The following NHSL1 variants were observed in gnomAD, a reference collection of about 807,000 sequenced individuals.
The protein encoded by NHSL1 is NHS-like protein 1.
NHSL1 carries 48 observed loss-of-function variants against 95.0 expected under a neutral mutation model. The observed-to-expected ratio is 0.51, with a 90% CI of 0.40 to 0.64. The LOEUF (loss-of-function observed/expected upper bound fraction) is 0.64, where lower values mean the gene tolerates loss of function less well. Among genes scored for constraint, NHSL1 ranks in the 30% least tolerant of loss-of-function variants. The pLI is 0.00. For synonymous variants in NHSL1, 783 were observed against 833.9 expected (o/e 0.94, Z 1.05); for missense variants, 1,971 against 2,077.7 (o/e 0.95, Z 1.00).
chr6:138,547,166 C>G (rs1368923795), upstream of NHSL1, among the ~76,000 whole-genome samples: 1 of 152,176 alleles, frequency 6.6e-6, no homozygotes, highest in African/African-American at 2.4e-5. Context: ...TGGTTTTCAA[C>G]ATACGGTGCA....
Position 138,433,382 on chromosome 6 carries a change from G to A in NHSL1, c.963C>T (p.Gly321=), listed in dbSNP as rs1271672951. 1.2e-5 allele frequency: 18 copies of A among 1,552,206 alleles called. No individual in the cohort carries two copies. Among genetic ancestry groups the A allele is most frequent in the African/African-American group, 2.7e-5 (2 of 73,034 alleles). ...VFPSRLDSDA[G]FHSLPRSGAR... Reference sequence around the variant, plus strand: ...CTCCAGAACGCGGAAGACTATGGAAGCCAGCATCACTGTCAAGGCGGGAAG... The same window carrying A: ...CTCCAGAACGCGGAAGACTATGGAAACCAGCATCACTGTCAAGGCGGGAAG... The change falls in exon 6 of 8, where the codon GGC becomes GGT. Residue 321 remains glycine (G), a synonymous_variant. Coordinates refer to ENST00000343505, the MANE Select transcript of NHSL1 (RefSeq NM_001144060.2).
intron 1 of NHSL1, among the ~76,000 whole-genome samples, chr6:138,649,975 T>C (rs904279593): frequency 6.6e-6 from 1 of 152,214 alleles, no homozygotes; most frequent in Admixed American, 6.5e-5. Flanking sequence ...ATGGGGATTC[T>C]GCCAACTCCC....
chr6:138,488,643 A>C (rs1048512648), intron 2 of NHSL1, among the ~76,000 whole-genome samples: 1 of 152,200 alleles, frequency 6.6e-6, no homozygotes, highest in Admixed American at 6.5e-5. Flanking sequence ...AGGAGACTTC[A>C]GGAGTAACCA....
chr6:138,500,121 C>A (rs1055927076), upstream of NHSL1, among the ~76,000 whole-genome samples: 9 of 152,040 alleles, frequency 5.9e-5, no homozygotes, highest in African/African-American at 2.2e-4. Flanking sequence ...AACTTCCCCA[C>A]TCCAAATGAT....
intron 1 of NHSL1, among the ~76,000 whole-genome samples, chr6:138,603,749 T>C (rs1244117274): frequency 6.6e-6 from 1 of 152,244 alleles, no homozygotes; most frequent in Non-Finnish European, 1.5e-5. Flanking sequence ...TCAGGTACAC[T>C]AAATGCTACC....
chr6:138,568,664 C>T (rs985163508), intron 1 of NHSL1, among the ~76,000 whole-genome samples: 2 of 152,144 alleles, frequency 1.3e-5, no homozygotes, highest in African/African-American at 4.8e-5. Context: ...CAAAAGAAAA[C>T]ATACAGATGC....
At chr6:138,516,324 T>C (rs1781459804) in intron 1 of NHSL1, among the ~76,000 whole-genome samples, 1 of 152,186 alleles carries the variant, frequency 6.6e-6, no homozygotes, top group Admixed American at 6.5e-5. Flanking sequence ...GAGAGAGCTA[T>C]GCCTGGGTGT....
chr6:138,663,857 C>A (rs1266012779), intron 1 of NHSL1, among the ~76,000 whole-genome samples: 1 of 152,054 alleles, frequency 6.6e-6, no homozygotes, highest in East Asian at 1.9e-4. Context: ...GGTGACAGAG[C>A]AAGACTCTAT....
chr6:138,452,060 G>T (rs1777273257), intron 3 of NHSL1, among the ~76,000 whole-genome samples: 1 of 152,154 alleles, frequency 6.6e-6, no homozygotes, highest in Non-Finnish European at 1.5e-5. Flanking sequence ...GTTTAAAATT[G>T]CCTTGCTCTC....
At chr6:138,599,456 GA>G (rs1247199784) in intron 1 of NHSL1, among the ~76,000 whole-genome samples, 1 of 152,102 alleles carries the variant, frequency 6.6e-6, no homozygotes, top group Non-Finnish European at 1.5e-5. Context: ...AGGCTGCAGT[GA>G]GCCGAGACTG....
At chr6:138,480,995 A>G (rs1173324448) in intron 2 of NHSL1, among the ~76,000 whole-genome samples, 1 of 152,202 alleles carries the variant, frequency 6.6e-6, no homozygotes, top group Non-Finnish European at 1.5e-5. Flanking sequence ...TTAAACTTCT[A>G]TCTCAGTTAA....
chr6:138,661,995 G>A (rs1030500544), intron 1 of NHSL1, among the ~76,000 whole-genome samples: 1 of 152,086 alleles, frequency 6.6e-6, no homozygotes, highest in Non-Finnish European at 1.5e-5. Context: ...GATCACTTGA[G>A]CCCACAAGTT....
intron 2 of NHSL1, among the ~76,000 whole-genome samples, chr6:138,480,514 G>A (rs1353817387): frequency 6.6e-6 from 1 of 152,170 alleles, no homozygotes. Flanking sequence ...TCATTTTTCC[G>A]GTCATGGGTA....
intron 3 of NHSL1, among the ~76,000 whole-genome samples, chr6:138,468,055 T>A (rs898433258): frequency 2.0e-5 from 3 of 151,830 alleles, no homozygotes; most frequent in Non-Finnish European, 4.4e-5. Flanking sequence ...GCTAGAAAAA[T>A]TTTTCTTTGT....
chr6:138,648,076 A>G (rs1785041946), intron 1 of NHSL1, among the ~76,000 whole-genome samples: 2 of 152,190 alleles, frequency 1.3e-5, no homozygotes, highest in African/African-American at 4.8e-5. Context: ...TGGTGTAACT[A>G]TATTAGTAAA....
intron 1 of NHSL1, among the ~76,000 whole-genome samples, chr6:138,580,498 G>T (rs992269026): frequency 1.3e-5 from 2 of 152,122 alleles, no homozygotes; most frequent in African/African-American, 2.4e-5. Context: ...TCTCTGGGGC[G>T]GGGATGAGGG....
chr6:138,430,916 C>T lies in NHSL1; in HGVS notation c.3429G>A (p.Lys1143=). 6.4e-7 allele frequency: 1 copy of T among 1,551,546 alleles called. No homozygotes were observed. Among genetic ancestry groups the T allele is most frequent in the Non-Finnish European group, 8.7e-7 (1 of 1,146,844 alleles). The change falls in exon 6 of 8, where the codon AAG becomes AAA. Residue 1143 remains lysine, a synonymous_variant. Coordinates refer to ENST00000343505, the MANE Select transcript of NHSL1 (RefSeq NM_001144060.2). This position sits in a 1 kb window ranked among gnomAD's most constrained non-coding sequence, Gnocchi z 4.7. ...TGCCATGGTCACCCTGACTCGAGCT[C>T]TTGGCAGGCGTCGGAAGCGAGCTTG... is the stretch of plus-strand genomic sequence containing the variant. ...SVTSSLPTPA[K]SSSQGDHGSA...
intron 1 of NHSL1, among the ~76,000 whole-genome samples, chr6:138,671,878 T>C (rs996458698): frequency 2.6e-5 from 4 of 152,084 alleles, no homozygotes; most frequent in African/African-American, 7.2e-5. Flanking sequence ...CTATACACAC[T>C]GAATGCTGAA....
rs1280105570 is a variant in NHSL1, at chr6:138,545,592, T to C, written c.16+31A>G. 3.1e-6 allele frequency: 4 copies of C among 1,274,370 alleles called. No homozygotes were observed. In the Admixed American group the frequency reaches 6.9e-5, roughly 22 times the overall value. 78.9% of individuals were successfully genotyped at this position (1,274,370 alleles called of 1,614,324 possible). A position where few individuals can be genotyped will look rare whatever the true frequency, so the allele number is the denominator to read the frequency against. On this transcript the variant is annotated intron_variant, in intron 1 of 4. Coordinates refer to the NHSL1 transcript ENST00000342260. ...TGACAATCTTCCCCAAGTAGAACTT[T>C]GCCACCCAAATGGACACGAAGTCCC...
Sources: allele counts gnomAD v4.1 joint callset (sites outside exome capture counted in the v4.1 genomes callset), GRCh38; gene constraint gnomAD v4.1.1; non-coding constraint Gnocchi (gnomAD v3.1); transcripts MANE v1.5; gene names NCBI Gene and HGNC (gene_info 2026-07-23, HGNC 2026-07-21).